The following DEPTOR variants were observed in gnomAD, a reference collection of about 807,000 sequenced individuals.
DEPTOR encodes the protein DEP domain-containing mTOR-interacting protein.
Under a neutral mutation model 41.6 loss-of-function variants are expected in DEPTOR, and 41 were observed. The observed-to-expected ratio is 0.98, with a 90% CI of 0.77 to 1.28. DEPTOR has a LOEUF of 1.28. Among genes scored for constraint, DEPTOR ranks in the 50% most tolerant of loss-of-function variants. DEPTOR has a pLI of 0.00. For synonymous variants in DEPTOR, 195 were observed against 192.3 expected (o/e 1.01, Z -0.12); for missense variants, 514 against 527.9 (o/e 0.97, Z 0.26).
chr8:119,989,465 AG>A (rs1812106370), intron 4 of DEPTOR, among the ~76,000 whole-genome samples: 1 of 152,056 alleles, frequency 6.6e-6, no homozygotes, highest in South Asian at 2.1e-4. Context: ...TCTAGTGTGG[AG>A]GTTCAGGGGT....
intron 4 of DEPTOR, among the ~76,000 whole-genome samples, chr8:119,977,384 G>C (rs1444867999): frequency 6.7e-6 from 1 of 150,252 alleles, no homozygotes; most frequent in Admixed American, 6.6e-5. Context: ...GTTCAACTTT[G>C]AACAGAAAAA....
intron 1 of DEPTOR, among the ~76,000 whole-genome samples, chr8:119,880,136 C>A (rs1045783298): frequency 7.5e-6 from 1 of 134,228 alleles, no homozygotes. Context: ...AGCGGGACTC[C>A]GTCTCAAAAT....
chr8:120,044,447 G>T (rs1339882457), intron 8 of DEPTOR, among the ~76,000 whole-genome samples: 1 of 152,062 alleles, frequency 6.6e-6, no homozygotes. Context: ...CTTGATAAAG[G>T]ACAGGAACCA....
intron 5 of DEPTOR, among the ~76,000 whole-genome samples, chr8:120,002,308 T>G (rs540408467): frequency 2.0e-5 from 3 of 151,908 alleles, no homozygotes; most frequent in African/African-American, 7.2e-5. Flanking sequence ...CCTGGCTCAT[T>G]TTTGTATTTT....
intron 1 of DEPTOR, among the ~76,000 whole-genome samples, chr8:119,899,354 G>T (rs1185699630): frequency 6.6e-6 from 1 of 152,130 alleles, no homozygotes; most frequent in African/African-American, 2.4e-5. Context: ...CTGAATGAAG[G>T]CTGAAGAAGG....
chr8:119,916,883 AG>A (rs1349695592), intron 1 of DEPTOR, among the ~76,000 whole-genome samples: 1 of 152,258 alleles, frequency 6.6e-6, no homozygotes, highest in Non-Finnish European at 1.5e-5. Flanking sequence ...TGTTTAAGAC[AG>A]GGTCTGGATT....
Position 119,993,490 on chromosome 8 carries a change from A to G in DEPTOR, c.605-8035A>G, listed in dbSNP as rs1240135052. Reference sequence around the variant, plus strand: ...GATGAGTAACAAATTGTCAGTTTTCAATTACAACTGGTAAGATCACAACTG... The same window carrying G: ...GATGAGTAACAAATTGTCAGTTTTCGATTACAACTGGTAAGATCACAACTG... On this transcript the variant is annotated intron_variant, in intron 4 of 8. Coordinates refer to ENST00000286234, the MANE Select transcript of DEPTOR (RefSeq NM_022783.4). Among the ~76,000 whole-genome samples the G allele has an allele frequency of 2.0e-5, 3 of 152,354 alleles. No individual in the cohort carries two copies. The East Asian group carries it at 5.8e-4, about 29-fold the overall frequency.
At chr8:119,930,570 AT>A (rs1828029518) in intron 3 of DEPTOR, among the ~76,000 whole-genome samples, 1 of 152,040 alleles carries the variant, frequency 6.6e-6, no homozygotes, top group Non-Finnish European at 1.5e-5. Context: ...TGTTTTGTAA[AT>A]TGGAGTTTCA....
intron 1 of DEPTOR, among the ~76,000 whole-genome samples, chr8:119,875,094 T>G (rs963906285): frequency 6.6e-6 from 1 of 152,222 alleles, no homozygotes; most frequent in African/African-American, 2.4e-5. Flanking sequence ...ACCTATCGAT[T>G]CTTTGTTGAT....
chr8:119,989,982 T>C (rs1352298017), intron 4 of DEPTOR, among the ~76,000 whole-genome samples: 1 of 152,252 alleles, frequency 6.6e-6, no homozygotes, highest in East Asian at 1.9e-4. Context: ...GTATCTGAGA[T>C]ATTCCATTTG....
At chr8:120,008,707 C>G (rs569201083) in intron 7 of DEPTOR, among the ~76,000 whole-genome samples, 2 of 152,268 alleles carry the variant, frequency 1.3e-5, no homozygotes, top group South Asian at 4.2e-4. Flanking sequence ...ACGACTTTTT[C>G]TAAACCTTCT....
chr8:119,964,778 G>A (rs1482811011), intron 3 of DEPTOR, among the ~76,000 whole-genome samples: 1 of 151,852 alleles, frequency 6.6e-6, no homozygotes, highest in African/African-American at 2.4e-5. Flanking sequence ...GTTTGCTTCT[G>A]AAGCAATTAG....
intron 1 of DEPTOR, among the ~76,000 whole-genome samples, chr8:119,883,803 C>T (rs1040799345): frequency 2.0e-5 from 3 of 152,124 alleles, no homozygotes; most frequent in African/African-American, 7.2e-5. Context: ...ATTGAGTAAG[C>T]CTTGGGCCAG....
At chr8:119,993,166 T>C (rs779038595) in intron 4 of DEPTOR, among the ~76,000 whole-genome samples, 1 of 152,214 alleles carries the variant, frequency 6.6e-6, no homozygotes. Flanking sequence ...AGAATATATC[T>C]GTACCATGTC....
At chr8:120,016,358 G>A (rs958483018) in intron 8 of DEPTOR, among the ~76,000 whole-genome samples, 1 of 151,762 alleles carries the variant, frequency 6.6e-6, no homozygotes, top group Non-Finnish European at 1.5e-5. Flanking sequence ...AAGTGTAATG[G>A]CCCGATCTCA....
intron 3 of DEPTOR, 111 bp downstream of exon 3, chr8:119,930,049 A>C: frequency 3.8e-6 from 5 of 1,315,136 alleles, no homozygotes; most frequent in Middle Eastern, 2.0e-4. Context: ...GGCTGGTTAC[A>C]TAACTGTTCT....
At chr8:120,034,547 A>G (rs1305665121) in intron 8 of DEPTOR, among the ~76,000 whole-genome samples, 1 of 143,234 alleles carries the variant, frequency 7.0e-6, no homozygotes, top group Non-Finnish European at 1.5e-5. Context: ...TCCCGGGTTC[A>G]AGCAATTCTC....
intron 4 of DEPTOR, among the ~76,000 whole-genome samples, chr8:119,981,743 G>A (rs551304770): frequency 2.7e-5 from 4 of 150,792 alleles, no homozygotes; most frequent in African/African-American, 7.3e-5. Flanking sequence ...CAGGCTGGGC[G>A]TGATGGCTCA....
chr8:120,039,614 C>T (rs1813030075), intron 8 of DEPTOR, among the ~76,000 whole-genome samples: 1 of 152,082 alleles, frequency 6.6e-6, no homozygotes, highest in Non-Finnish European at 1.5e-5. Context: ...TTAATCTACT[C>T]ATGATTTTTG....
Sources: allele counts gnomAD v4.1 joint callset (sites outside exome capture counted in the v4.1 genomes callset), GRCh38; gene constraint gnomAD v4.1.1; transcripts MANE v1.5; gene names NCBI Gene and HGNC (gene_info 2026-07-23, HGNC 2026-07-21).